MAST4: variants seen among roughly 807,000 people sequenced by gnomAD.
The protein encoded by MAST4 is microtubule associated serine/threonine kinase family member 4, also known as microtubule-associated serine/threonine-protein kinase 4.
MAST4 carries 89 observed loss-of-function variants against 162.7 expected under a neutral mutation model. The observed-to-expected ratio is 0.55, with a 90% CI of 0.46 to 0.65. The LOEUF (loss-of-function observed/expected upper bound fraction) is 0.65. Among genes scored for constraint, MAST4 ranks in the 30% least tolerant of loss-of-function variants. The probability of loss-of-function intolerance (pLI) is 0.00; values close to 1 mark genes in which losing one functional copy is unlikely to be tolerated. For synonymous variants in MAST4, 1,479 were observed against 1,361.1 expected (o/e 1.09, Z -1.91); for missense variants, 3,153 against 3,374.0 (o/e 0.93, Z 1.62).
chr5:66,771,422 G>A (rs553191882), intron 2 of MAST4, among the ~76,000 whole-genome samples: 231 of 152,192 alleles, frequency 1.5e-3, no homozygotes, highest in African/African-American at 5.3e-3. Context: ...TCCTGACCTC[G>A]TGATCCTCCC....
rs116081372 is a variant in MAST4, at chr5:66,749,589, G to A, written c.364-10120G>A. ...CAGAGATGTTTGCCTAGACAACGAAGTGACTTACTACAGGACAATGATATT... is the reference window on the plus strand; with the variant it reads ...CAGAGATGTTTGCCTAGACAACGAAATGACTTACTACAGGACAATGATATT... On this transcript the variant is annotated intron_variant, in intron 1 of 28. Coordinates refer to ENST00000403625, the MANE Select transcript of MAST4 (RefSeq NM_001164664.2). Among the ~76,000 whole-genome samples, 1,096 of 152,324 alleles carry A rather than the reference G, an allele frequency of 7.2e-3. 10 individuals carry two copies. Among genetic ancestry groups the A allele is most frequent in the African/African-American group, 0.025 (1,054 of 41,578 alleles).
intron 4 of MAST4, among the ~76,000 whole-genome samples, chr5:66,962,285 A>G (rs147910071): frequency 1.3e-5 from 2 of 152,074 alleles, no homozygotes; most frequent in African/African-American, 4.8e-5. Flanking sequence ...TCTTTAAGAA[A>G]CTCTCTGCAC....
chr5:66,910,730 T>G (rs1300214290), intron 4 of MAST4, among the ~76,000 whole-genome samples: 1 of 20,390 alleles, frequency 4.9e-5, no homozygotes, highest in East Asian at 6.4e-4. Flanking sequence ...ACACATGTGG[T>G]TTTTTTTTTT....
At position 66,782,300 on chromosome 5, in the gene MAST4, A is replaced by G. The variant is rs562017264; in HGVS notation, c.518-6370A>G. ...GCGAGACTTCGTCTCAAAAAAAAAA[A>G]AAAAAGAAAACACATTCTAGGAGAG... On this transcript the variant is annotated intron_variant, in intron 2 of 28. Transcript: ENST00000403625. Among the ~76,000 whole-genome samples the G allele has an allele frequency of 5.3e-5, 8 of 152,166 alleles. 1 individual carries two copies. The South Asian group carries it at 1.7e-3, about 32-fold the overall frequency.
chr5:67,055,027 A>G (rs1292070032), intron 5 of MAST4, among the ~76,000 whole-genome samples: 1 of 151,568 alleles, frequency 6.6e-6, no homozygotes, highest in African/African-American at 2.4e-5. Context: ...TTTTTTCTTC[A>G]AAGTTCTATC....
chr5:66,712,187 A>G (rs984146025), intron 1 of MAST4, among the ~76,000 whole-genome samples: 8 of 152,228 alleles, frequency 5.3e-5, no homozygotes, highest in South Asian at 4.1e-4. Flanking sequence ...TACATACACA[A>G]TGCACACTTA....
At chr5:66,747,759 G>C (rs577071488) in intron 1 of MAST4, among the ~76,000 whole-genome samples, 59 of 152,252 alleles carry the variant, frequency 3.9e-4, no homozygotes, top group African/African-American at 1.4e-3. Context: ...CTGATGCTTT[G>C]AGCTGGATAA....
At chr5:66,952,712 G>A (rs1649921502) in intron 4 of MAST4, among the ~76,000 whole-genome samples, 1 of 152,162 alleles carries the variant, frequency 6.6e-6, no homozygotes, top group African/African-American at 2.4e-5. Context: ...GAATGAGCCT[G>A]CCTTGTTCCA....
chr5:67,003,807 C>T, intron 4 of MAST4: 1 of 152,184 alleles, frequency 6.6e-6, no homozygotes, highest in South Asian at 2.1e-4. Context: ...CACATAAATG[C>T]CAGGTAGTGT....
chr5:67,161,284 G>A (rs946074083), intron 27 of MAST4, among the ~76,000 whole-genome samples: 7 of 152,212 alleles, frequency 4.6e-5, no homozygotes, highest in African/African-American at 1.7e-4. Flanking sequence ...TGATAGAAAT[G>A]TAGAAAAACA....
At chr5:66,622,361 T>C (rs1169355493) in intron 1 of MAST4, among the ~76,000 whole-genome samples, 2 of 149,624 alleles carry the variant, frequency 1.3e-5, no homozygotes, top group Non-Finnish European at 3.0e-5. Flanking sequence ...GGAGATGAGA[T>C]CAAAGGCTAG....
chr5:66,718,839 G>C (rs978629499), intron 1 of MAST4, among the ~76,000 whole-genome samples: 3 of 152,088 alleles, frequency 2.0e-5, no homozygotes, highest in Non-Finnish European at 4.4e-5. Context: ...TGTGCTTCTT[G>C]CTTGACTTCG....
intron 4 of MAST4, among the ~76,000 whole-genome samples, chr5:67,023,013 A>G (rs1754176018): frequency 6.6e-6 from 1 of 152,198 alleles, no homozygotes; most frequent in Admixed American, 6.5e-5. Flanking sequence ...CACCCAAGTG[A>G]TACTTTATAA....
intron 1 of MAST4, among the ~76,000 whole-genome samples, chr5:66,653,946 A>G (rs988468861): frequency 2.0e-5 from 3 of 152,190 alleles, no homozygotes; most frequent in Admixed American, 6.6e-5. Context: ...GCTGAACCAC[A>G]TATGTGTCCC....
At chr5:67,072,044 A>C (rs1438566274) in intron 5 of MAST4, among the ~76,000 whole-genome samples, 1 of 152,210 alleles carries the variant, frequency 6.6e-6, no homozygotes, top group Non-Finnish European at 1.5e-5. Flanking sequence ...CAACTCATTA[A>C]TTAAAATATG....
chr5:67,034,986 A>G lies in MAST4; in HGVS notation c.675-19418A>G, dbSNP rs114168645. 4.4e-3 allele frequency among the ~76,000 whole-genome samples: 668 copies of G among 152,336 alleles called. 2 individuals are homozygous for G. The highest frequency in any genetic ancestry group is 6.8e-3 in the Non-Finnish European group (463 of 68,022). On this transcript the variant is annotated intron_variant, in intron 4 of 28. Transcript: ENST00000403625. ...GGTTTAGAGTGAACCATAGAGACATAGAGATAACCTGCATTCACTTTCAAA... is the reference window on the plus strand; with the variant it reads ...GGTTTAGAGTGAACCATAGAGACATGGAGATAACCTGCATTCACTTTCAAA...
chr5:66,612,748 C>T (rs4699882), intron 1 of MAST4, among the ~76,000 whole-genome samples: 44,034 of 151,880 alleles, frequency 0.29, 6,646 homozygotes, highest in Admixed American at 0.4. Flanking sequence ...GGTGCCTTGA[C>T]GATTTTAAGC....
intron 3 of MAST4, among the ~76,000 whole-genome samples, chr5:66,820,974 T>C (rs1214397372): frequency 6.6e-6 from 1 of 152,174 alleles, no homozygotes. Flanking sequence ...GTTGTAGAAA[T>C]CACCAATCGC....
At chr5:67,153,806 C>A (rs192023995) in intron 26 of MAST4, among the ~76,000 whole-genome samples, 2 of 152,238 alleles carry the variant, frequency 1.3e-5, no homozygotes, top group African/African-American at 2.4e-5. Flanking sequence ...GCTTCTCATT[C>A]TAAATTGTAA....
Sources: allele counts gnomAD v4.1 joint callset (sites outside exome capture counted in the v4.1 genomes callset), GRCh38; gene constraint gnomAD v4.1.1; transcripts MANE v1.5; gene names NCBI Gene and HGNC (gene_info 2026-07-23, HGNC 2026-07-21).